PDLIM5: variants seen among roughly 807,000 people sequenced by gnomAD.
The protein encoded by PDLIM5 is PDZ and LIM domain protein 5.
In PDLIM5, 34 loss-of-function variants were observed where a neutral mutation model predicts 64.2. The observed-to-expected ratio is 0.53, with a 90% CI of 0.40 to 0.71. The LOEUF is 0.71. PDLIM5 is among the 30% of genes least tolerant of loss of function. The pLI is 0.00. For missense variants in PDLIM5, 683 were observed against 733.6 expected, an observed-to-expected ratio of 0.93 and a Z score of 0.80; for synonymous variants, 253 against 269.1, an observed-to-expected ratio of 0.94 and a Z score of 0.59.
intron 3 of PDLIM5, among the ~76,000 whole-genome samples, chr4:94,524,988 G>A (rs1156571747): frequency 2.0e-5 from 3 of 152,024 alleles, no homozygotes; most frequent in Non-Finnish European, 4.4e-5. Context: ...TCTTGTTTTT[G>A]ATGGTTACAA....
At chr4:94,649,433 C>T (rs552629465) in intron 9 of PDLIM5, among the ~76,000 whole-genome samples, 1 of 152,300 alleles carries the variant, frequency 6.6e-6, no homozygotes, top group East Asian at 1.9e-4. Flanking sequence ...TAAATTCTCC[C>T]ATTTCATCCC....
In PDLIM5 at chr4:94,645,673, A is replaced by T. The variant is rs184878879; in HGVS notation, c.1283+5223A>T. On this transcript the variant is annotated intron_variant, in intron 9 of 12. Transcript: ENST00000317968. ...AGTGTGCTTTAGAAAAAAGACCAAA[A>T]GAGAACTATACCCCAAAATTAAGAG... 5.3e-5 allele frequency among the ~76,000 whole-genome samples: 8 copies of T among 152,334 alleles called. No individual in the cohort carries two copies. The East Asian group carries it at 1.5e-3, about 29-fold the overall frequency.
chr4:94,604,164 A>G (rs1737723221), intron 7 of PDLIM5, among the ~76,000 whole-genome samples: 1 of 152,250 alleles, frequency 6.6e-6, no homozygotes, highest in Non-Finnish European at 1.5e-5. Flanking sequence ...ACTACTAAAA[A>G]CAGGCAGGTA....
intron 9 of PDLIM5, among the ~76,000 whole-genome samples, chr4:94,650,462 T>G (rs1200614217): frequency 6.6e-6 from 1 of 152,212 alleles, no homozygotes; most frequent in Non-Finnish European, 1.5e-5. Flanking sequence ...AAACTTGTTT[T>G]TTACTTCTAT....
At chr4:94,640,499 G>GTT in intron 9 of PDLIM5, 49 bp downstream of exon 9, 4 of 1,066,758 alleles carry the variant, frequency 3.7e-6, no homozygotes, top group South Asian at 1.7e-5. Context: ...ATCAATGTTG[G>GTT]GTTTTTTTTT....
intron 11 of PDLIM5, among the ~76,000 whole-genome samples, chr4:94,659,923 G>A (rs1578562736): frequency 1.4e-5 from 2 of 143,714 alleles, no homozygotes; most frequent in Non-Finnish European, 3.0e-5. Context: ...TTGAGATGGA[G>A]TCTCACTCTG....
chr4:94,542,934 T>G (rs1433661372), intron 3 of PDLIM5, among the ~76,000 whole-genome samples: 1 of 152,222 alleles, frequency 6.6e-6, no homozygotes, highest in Admixed American at 6.5e-5. Context: ...TTTTTGTAAT[T>G]CATTTCACAA....
chr4:94,583,842 C>T (rs1735944109), intron 5 of PDLIM5, among the ~76,000 whole-genome samples: 1 of 152,156 alleles, frequency 6.6e-6, no homozygotes. Context: ...ATCATTACCT[C>T]ATGTTATGTA....
intron 9 of PDLIM5, among the ~76,000 whole-genome samples, chr4:94,648,014 A>G (rs1741551833): frequency 1.3e-5 from 2 of 152,220 alleles, no homozygotes; most frequent in Admixed American, 1.3e-4. Context: ...CAGCTAAAGC[A>G]GTGCTTAGAT....
chr4:94,633,344 C>G (rs898576224), intron 8 of PDLIM5, among the ~76,000 whole-genome samples: 1 of 152,038 alleles, frequency 6.6e-6, no homozygotes, highest in African/African-American at 2.4e-5. Flanking sequence ...TTTTTAAATT[C>G]TAGAATCATT....
At chr4:94,662,008 A>C (rs1742763064) in intron 11 of PDLIM5, among the ~76,000 whole-genome samples, 1 of 151,930 alleles carries the variant, frequency 6.6e-6, no homozygotes, top group Admixed American at 6.6e-5. Context: ...TTTAGTAGAG[A>C]CGGGGTTTCA....
At chr4:94,616,885 A>G (rs1216873060) in intron 7 of PDLIM5, among the ~76,000 whole-genome samples, 1 of 152,212 alleles carries the variant, frequency 6.6e-6, no homozygotes, top group African/African-American at 2.4e-5. Context: ...CGATAGAAGG[A>G]CTTACAGGAT....
chr4:94,453,024 C>A (rs1483871353), intron 1 of PDLIM5, among the ~76,000 whole-genome samples: 4 of 151,876 alleles, frequency 2.6e-5, no homozygotes, highest in African/African-American at 9.7e-5. Flanking sequence ...CTGTGTAGTT[C>A]ATCTTGAGTT....
chr4:94,636,535 C>T (rs1293646656), intron 8 of PDLIM5, among the ~76,000 whole-genome samples: 4 of 145,458 alleles, frequency 2.7e-5, no homozygotes, highest in Admixed American at 7.0e-5. Flanking sequence ...ATATAGAGTT[C>T]GTACTTTTTT....
At chr4:94,626,195 A>G (rs955328958) in intron 8 of PDLIM5, among the ~76,000 whole-genome samples, 3 of 152,224 alleles carry the variant, frequency 2.0e-5, no homozygotes, top group African/African-American at 7.2e-5. Context: ...TTGGGAACTC[A>G]TGAATACAAT....
In PDLIM5 at chr4:94,664,615, A is replaced by C. The variant is rs1224542507; in HGVS notation, c.*548A>C. On this transcript the variant is annotated 3_prime_UTR_variant, in exon 13 of 13. Transcript: ENST00000317968. ...CTGAGCGCGGTGGCTCACGCCTGTA[A>C]TCCCAGCACTTTGGGAGGCCAAGGT... is the stretch of plus-strand genomic sequence containing the variant. 1 of 593,866 alleles carries C rather than the reference A, an allele frequency of 1.7e-6. No homozygotes were observed. The highest frequency in any genetic ancestry group is 6.3e-5 in the Admixed American group (1 of 15,806). 36.8% of individuals were successfully genotyped at this position (593,866 alleles called of 1,614,324 possible).
At chr4:94,587,283 C>CAA (rs5860368) in intron 7 of PDLIM5, 14,814 of 1,076,774 alleles carry the variant, frequency 0.014, 1 homozygote, top group South Asian at 0.035. Context: ...AATGTAAAAC[C>CAA]AAAAAAAAAA....
intron 7 of PDLIM5, among the ~76,000 whole-genome samples, chr4:94,613,925 T>A (rs1403213922): frequency 6.6e-6 from 1 of 151,022 alleles, no homozygotes; most frequent in African/African-American, 2.4e-5. Flanking sequence ...ATTTTATTCC[T>A]ACATATAAAA....
intron 5 of PDLIM5, among the ~76,000 whole-genome samples, 178 bp from the exon 6 acceptor site, chr4:94,585,387 G>A (rs9994440): frequency 0.083 from 12,618 of 152,002 alleles, 682 homozygotes; most frequent in African/African-American, 0.14. Context: ...ACCGTGCCCC[G>A]CCTATTTTAG....
Sources: allele counts gnomAD v4.1 joint callset (sites outside exome capture counted in the v4.1 genomes callset), GRCh38; gene constraint gnomAD v4.1.1; transcripts MANE v1.5; gene names NCBI Gene and HGNC (gene_info 2026-07-23, HGNC 2026-07-21).